IL1RAPL2: variants seen among roughly 807,000 people sequenced by gnomAD.
The protein encoded by IL1RAPL2 is X-linked interleukin-1 receptor accessory protein-like 2.
Under a neutral mutation model 44.1 loss-of-function variants are expected in IL1RAPL2, and 3 were observed. The ratio of observed to expected loss-of-function variants is 0.07; its 90% CI spans 0.03 to 0.18. The LOEUF (loss-of-function observed/expected upper bound fraction) is 0.18, where lower values mean the gene tolerates loss of function less well. Ranked by LOEUF, IL1RAPL2 falls within the 10% of genes least tolerant of loss-of-function variation. The pLI is 1.00. For missense variants in IL1RAPL2, 391 were observed against 496.4 expected, an observed-to-expected ratio of 0.79 and a Z score of 2.02; for synonymous variants, 181 against 178.8, an observed-to-expected ratio of 1.01 and a Z score of -0.10.
chrX:104,943,371 G>C (rs1218934482), intron 2 of IL1RAPL2, among the ~76,000 whole-genome samples: 1 of 111,478 alleles, frequency 9.0e-6, no homozygotes, highest in East Asian at 2.8e-4. Flanking sequence ...GTTTCCATTT[G>C]GATGTCTAAT....
chrX:105,296,924 A>G (rs192797754), intron 5 of IL1RAPL2, among the ~76,000 whole-genome samples: 139 of 112,590 alleles, frequency 1.2e-3, no homozygotes, highest in African/African-American at 4.3e-3. Flanking sequence ...CTTACTGGGG[A>G]TATAGCAATG....
chrX:104,711,093 T>C (rs1931448454), intron 2 of IL1RAPL2, among the ~76,000 whole-genome samples: 1 of 111,510 alleles, frequency 9.0e-6, no homozygotes, highest in African/African-American at 3.2e-5. Context: ...TTTCCTATGT[T>C]CAGGTCTGTT....
chrX:104,891,843 T>G (rs1306492717), intron 2 of IL1RAPL2, among the ~76,000 whole-genome samples: 1 of 110,991 alleles, frequency 9.0e-6, no homozygotes, highest in African/African-American at 3.3e-5. Context: ...TGAATAGGAG[T>G]GGTGAGAGAG....
At chrX:105,263,728 A>T (rs1425011936) in intron 4 of IL1RAPL2, among the ~76,000 whole-genome samples, 1 of 111,258 alleles carries the variant, frequency 9.0e-6, no homozygotes, top group Non-Finnish European at 1.9e-5. Flanking sequence ...TGACTGGGTA[A>T]GGATGTCCTG....
intron 5 of IL1RAPL2, among the ~76,000 whole-genome samples, chrX:105,347,811 G>A (rs2035122677): frequency 9.0e-6 from 1 of 111,187 alleles, no homozygotes. Flanking sequence ...TCTACATACT[G>A]GATGCCAGTA....
At chrX:105,040,983 T>C (rs1387237569) in intron 2 of IL1RAPL2, among the ~76,000 whole-genome samples, 20 of 101,087 alleles carry the variant, frequency 2.0e-4, no homozygotes, top group South Asian at 4.9e-4. Flanking sequence ...GGTGTCAATT[T>C]TGGATCTTTC....
intron 2 of IL1RAPL2, among the ~76,000 whole-genome samples, chrX:105,160,037 G>C (rs2033308663): frequency 1.1e-5 from 1 of 93,247 alleles, no homozygotes; most frequent in Admixed American, 1.2e-4. Flanking sequence ...AAAAATATTT[G>C]CTTTCACAAA....
intron 2 of IL1RAPL2, among the ~76,000 whole-genome samples, chrX:104,965,987 C>G (rs1166297185): frequency 2.7e-5 from 3 of 110,631 alleles, no homozygotes; most frequent in Non-Finnish European, 5.7e-5. Context: ...GAGGTGAGAT[C>G]CAATGAGAAA....
At chrX:104,895,609 G>C (rs1923619516) in intron 2 of IL1RAPL2, among the ~76,000 whole-genome samples, 2 of 112,653 alleles carry the variant, frequency 1.8e-5, no homozygotes, top group Non-Finnish European at 3.8e-5. Flanking sequence ...ATGTCCTTGT[G>C]TGCCATTTGC....
chrX:105,502,728 T>C (rs1398202977), intron 6 of IL1RAPL2, among the ~76,000 whole-genome samples: 1 of 110,223 alleles, frequency 9.1e-6, no homozygotes, highest in Non-Finnish European at 1.9e-5. Context: ...TCTTTTTTTT[T>C]TTGTTTGTTT....
At chrX:104,720,457 ATT>A (rs1333482881) in intron 2 of IL1RAPL2, among the ~76,000 whole-genome samples, 1 of 112,086 alleles carries the variant, frequency 8.9e-6, no homozygotes, top group Non-Finnish European at 1.9e-5. Context: ...ATGGACACAT[ATT>A]TTAGCTCAAA....
At chrX:104,910,394 G>C (rs1418338574) in intron 2 of IL1RAPL2, among the ~76,000 whole-genome samples, 2 of 112,137 alleles carry the variant, frequency 1.8e-5, no homozygotes, top group Non-Finnish European at 3.8e-5. Context: ...TATTCTTTAA[G>C]TTCTGTGGTA....
chrX:104,677,058 C>T (rs923338748), intron 2 of IL1RAPL2, among the ~76,000 whole-genome samples: 8 of 111,548 alleles, frequency 7.2e-5, no homozygotes, highest in South Asian at 3.8e-4. Context: ...TCCCATAGCT[C>T]GGAGAAATTT....
chrX:105,566,064 A>T (rs1035274463), intron 6 of IL1RAPL2, among the ~76,000 whole-genome samples: 9 of 111,289 alleles, frequency 8.1e-5, no homozygotes, highest in African/African-American at 2.0e-4. Context: ...GGGAGCTAGT[A>T]TGGGTGAAGG....
At chrX:104,582,636 C>T (rs1321915559) in intron 1 of IL1RAPL2, among the ~76,000 whole-genome samples, 2 of 59,222 alleles carry the variant, frequency 3.4e-5, no homozygotes, top group Non-Finnish European at 6.5e-5. Context: ...TTCTTTCTTT[C>T]TTTCTCTCTT....
chrX:105,620,173 C>G (rs773971327), intron 6 of IL1RAPL2, among the ~76,000 whole-genome samples: 1 of 111,420 alleles, frequency 9.0e-6, no homozygotes, highest in South Asian at 3.7e-4. Context: ...TTTGGTTGTG[C>G]TATTGCATAC....
chrX:105,371,483 A>G (rs1443813028), intron 5 of IL1RAPL2, among the ~76,000 whole-genome samples: 1 of 111,552 alleles, frequency 9.0e-6, no homozygotes, highest in Non-Finnish European at 1.9e-5. Flanking sequence ...TGAAAAAATT[A>G]GAAGACAAAA....
chrX:105,379,399 G>A (rs990627258), intron 5 of IL1RAPL2, among the ~76,000 whole-genome samples: 19 of 111,706 alleles, frequency 1.7e-4, no homozygotes, highest in Admixed American at 1.6e-3. Flanking sequence ...GTCTGTTTCC[G>A]AACTAGCCAA....
chrX:105,600,125 A>G lies in IL1RAPL2; in HGVS notation c.772+115738A>G, dbSNP rs774741608. On this transcript the variant is annotated intron_variant, in intron 6 of 10. Coordinates refer to ENST00000372582, the MANE Select transcript of IL1RAPL2 (RefSeq NM_017416.2). ...GTTGGCTTTTGTTTCATTCAACACT[A>G]TGCCTTATCAATGCCTCATCATTGT... Among the ~76,000 whole-genome samples, 11 of 111,024 alleles carry G rather than the reference A, an allele frequency of 9.9e-5. No individual in the cohort carries two copies. In the South Asian group the frequency reaches 4.1e-3, roughly 42 times the overall value.
Sources: gnomAD v4.1 joint callset for allele counts (sites outside exome capture counted in the v4.1 genomes callset) on GRCh38, gnomAD v4.1.1 for gene constraint, MANE v1.5 for transcripts, NCBI Gene and HGNC (gene_info 2026-07-23, HGNC 2026-07-21) for gene names.